Variants in NUP210L observed in about 807,000 individuals in gnomAD.
The protein encoded by NUP210L is nucleoporin 210 like.
A neutral mutation model predicts 208.5 loss-of-function variants in NUP210L; 74 were observed. The ratio of observed to expected loss-of-function variants is 0.35; its 90% CI spans 0.29 to 0.43. The LOEUF (loss-of-function observed/expected upper bound fraction) is 0.43, where lower values mean the gene tolerates loss of function less well. NUP210L is among the 20% of genes least tolerant of loss of function. The probability of loss-of-function intolerance (pLI) is 1.00; values close to 1 mark genes in which losing one functional copy is unlikely to be tolerated. For missense variants in NUP210L, 1,843 were observed against 2,289.4 expected (o/e 0.81, Z 3.98); for synonymous variants, 780 against 816.9 (o/e 0.95, Z 0.77).
chr1:154,128,623 A>G (rs1233899724), intron 8 of NUP210L, among the ~76,000 whole-genome samples: 2 of 149,914 alleles, frequency 1.3e-5, no homozygotes, highest in South Asian at 2.1e-4. Context: ...GGCCGAGGAG[A>G]GCAAATCGCT....
Position 154,006,972 on chromosome 1 carries a change from T to A in NUP210L, c.4930+3000A>T, listed in dbSNP as rs200861279. ...TATATATATATATATATATATTTTT[T>A]TTTTTTTTTTAAATGGAGTTTCGCT... On this transcript the variant is annotated intron_variant, in intron 35 of 39. Transcript: ENST00000368559. Among the ~76,000 whole-genome samples, 563 of 107,078 alleles carry A rather than the reference T, an allele frequency of 5.3e-3. 7 individuals are homozygous for A. The highest frequency in any genetic ancestry group is 0.045 in the East Asian group (151 of 3,384). 70.2% of individuals were successfully genotyped at this position (107,078 alleles called of 152,430 possible). A position where few individuals can be genotyped will look rare whatever the true frequency, so the allele number is the denominator to read the frequency against.
exon 27 of NUP210L, chr1:154,046,131 G>A (rs1435622223): frequency 1.2e-6 from 2 of 1,614,080 alleles, no homozygotes; most frequent in African/African-American, 2.7e-5. Flanking sequence ...TGGAATGTGA[G>A]CCCAGGATTA....
intron 16 of NUP210L, 71 bp from the exon 17 acceptor site, chr1:154,070,536 T>G: frequency 1.9e-6 from 2 of 1,032,536 alleles, no homozygotes; most frequent in Non-Finnish European, 2.6e-6. Flanking sequence ...AAGATATCTC[T>G]AAAGCTAGGA....
At position 154,109,060 on chromosome 1, in the gene NUP210L, A is replaced by G. The variant is rs1412844052; in HGVS notation, c.1621-4850T>C. 5.3e-5 allele frequency among the ~76,000 whole-genome samples: 8 copies of G among 151,748 alleles called. 2 individuals are homozygous for G. Among genetic ancestry groups the G allele is most frequent in the Admixed American group, 1.3e-4 (2 of 15,258 alleles). ...GGTTACGGTGAGCCGAGATCATGCC[A>G]TCGCACTCCAGCCTGGGCAACAAGA... On this transcript the variant is annotated intron_variant, in intron 12 of 39. Transcript: ENST00000368559.
chr1:153,995,907 G>T, intron 37 of NUP210L: 1 of 537,432 alleles, frequency 1.9e-6, no homozygotes, highest in South Asian at 1.4e-5. Context: ...CCTTATCGAG[G>T]AGCAGAAAAT....
intron 28 of NUP210L, among the ~76,000 whole-genome samples, chr1:154,027,954 A>G (rs1431785148): frequency 6.6e-6 from 1 of 152,198 alleles, no homozygotes; most frequent in African/African-American, 2.4e-5. Context: ...GTAAAATGAC[A>G]TGAAGTTTGG....
chr1:154,121,822 G>A (rs960501292), intron 10 of NUP210L, among the ~76,000 whole-genome samples: 2 of 151,334 alleles, frequency 1.3e-5, no homozygotes, highest in East Asian at 1.9e-4. Context: ...GGCCGAGATC[G>A]TTCCACTGCT....
At chr1:154,027,080 C>CAAAAAAAAAAAAAAAAAAAAAAAAA (rs59626984) in intron 29 of NUP210L, among the ~76,000 whole-genome samples, 1 of 101,756 alleles carries the variant, frequency 9.8e-6, no homozygotes, top group African/African-American at 4.3e-5. Context: ...GAGACTGTCT[C>CAAAAAAAAAAAAAAAAAAAAAAAAA]AAAAAAAAAA....
chr1:154,152,767 G>A, exon 2 of NUP210L: 2 of 1,613,942 alleles, frequency 1.2e-6, no homozygotes, highest in Non-Finnish European at 1.7e-6. Flanking sequence ...TACTGCTGAG[G>A]CGTATCGGTT....
chr1:154,110,598 G>T (rs1656989173), intron 12 of NUP210L, among the ~76,000 whole-genome samples: 1 of 151,488 alleles, frequency 6.6e-6, no homozygotes, highest in Admixed American at 6.6e-5. Flanking sequence ...GGAAAAGTTG[G>T]CTGGACACAG....
chr1:154,081,084 GACATAATGCCTACCT>G lies in NUP210L; in HGVS notation c.2361+8322_2361+8336del, dbSNP rs1242422776. On this transcript the variant is annotated intron_variant, in intron 16 of 39. Coordinates refer to ENST00000368559, the Ensembl canonical transcript of NUP210L. ...ATAGAAAACAAATAGCAAAATGGCA[GACATAATGCCTACCT>G]TATCAGTAATTACATTAAGTATAAA... Among the ~76,000 whole-genome samples the G allele has an allele frequency of 2.6e-5, 4 of 151,876 alleles. No homozygotes were observed. In the East Asian group the frequency reaches 7.7e-4, roughly 29 times the overall value.
chr1:154,063,650 TAA>T (rs753963710), intron 17 of NUP210L, among the ~76,000 whole-genome samples: 5 of 152,152 alleles, frequency 3.3e-5, no homozygotes, highest in Non-Finnish European at 7.3e-5. Flanking sequence ...AAGAACTAAA[TAA>T]ATGTATGATA....
chr1:154,114,004 G>C (rs1191744743), intron 12 of NUP210L, among the ~76,000 whole-genome samples: 1 of 151,828 alleles, frequency 6.6e-6, no homozygotes, highest in Admixed American at 6.6e-5. Context: ...TTAGCTGGGC[G>C]TGGTAGTGGG....
intron 12 of NUP210L, among the ~76,000 whole-genome samples, chr1:154,112,581 C>T (rs1338525432): frequency 2.0e-5 from 3 of 152,050 alleles, no homozygotes; most frequent in South Asian, 2.1e-4. Context: ...ACACCTACCA[C>T]GTACACCTGA....
At chr1:154,064,520 C>T (rs906426122) in intron 17 of NUP210L, among the ~76,000 whole-genome samples, 2 of 152,130 alleles carry the variant, frequency 1.3e-5, no homozygotes, top group Non-Finnish European at 2.9e-5. Context: ...CTCAGGGTAG[C>T]CTTCCCTGTT....
At chr1:154,046,398 G>C in intron 25 of NUP210L, 29 bp from the exon 26 acceptor site, 1 of 1,584,054 alleles carries the variant, frequency 6.3e-7, no homozygotes, top group Non-Finnish European at 8.7e-7. Context: ...AGCAAGCTTA[G>C]GCTAAGAGGG....
intron 18 of NUP210L, 95 bp from the exon 19 acceptor site, chr1:154,061,141 G>GCC: frequency 2.5e-5 from 20 of 795,974 alleles, no homozygotes; most frequent in Non-Finnish European, 3.5e-5. Context: ...ACTTTGGGAG[G>GCC]GTAAGGCAGG....
In NUP210L at chr1:154,068,133, C is replaced by T. The variant is rs571886855; in HGVS notation, c.2554+2140G>A. On this transcript the variant is annotated intron_variant, in intron 17 of 39. Coordinates refer to ENST00000368559, the Ensembl canonical transcript of NUP210L. ...AAGAGCCCACATTGCCAAGACAATC[C>T]TAAGCAAAAAGAAGAAAGCTGGAGG... Among the ~76,000 whole-genome samples, 23 of 152,168 alleles carry T rather than the reference C, an allele frequency of 1.5e-4. No individual in the cohort carries two copies. The East Asian group carries it at 4.1e-3, about 27-fold the overall frequency.
At chr1:154,124,842 C>G (rs1313297264) in intron 10 of NUP210L, among the ~76,000 whole-genome samples, 1 of 152,034 alleles carries the variant, frequency 6.6e-6, no homozygotes, top group Admixed American at 6.6e-5. Context: ...GTCCCAGCTA[C>G]TTGGAAGGCT....
Sources: gnomAD v4.1 joint callset for allele counts (sites outside exome capture counted in the v4.1 genomes callset) on GRCh38, gnomAD v4.1.1 for gene constraint, MANE v1.5 for transcripts, NCBI Gene and HGNC (gene_info 2026-07-23, HGNC 2026-07-21) for gene names.